Variants in KCNQ5 observed in about 807,000 individuals in gnomAD.
KCNQ5 encodes the protein potassium voltage-gated channel subfamily KQT member 5.
A neutral mutation model predicts 98.2 loss-of-function variants in KCNQ5; 30 were observed. The ratio of observed to expected loss-of-function variants is 0.31; its 90% CI spans 0.23 to 0.41. The LOEUF (loss-of-function observed/expected upper bound fraction) is 0.41. Ranked by LOEUF, KCNQ5 falls within the 10% of genes least tolerant of loss-of-function variation. The pLI, the probability that KCNQ5 is intolerant of heterozygous loss-of-function variation, is 1.00. For missense variants in KCNQ5, 835 were observed against 1,182.5 expected (o/e 0.71, Z 4.31); for synonymous variants, 458 against 449.4 (o/e 1.02, Z -0.24).
At chr6:73,169,139 T>C (rs1282155660) in intron 10 of KCNQ5, among the ~76,000 whole-genome samples, 4 of 152,146 alleles carry the variant, frequency 2.6e-5, no homozygotes, top group African/African-American at 9.7e-5. Context: ...CATTTGCAAT[T>C]AACCCAAAAG....
At chr6:72,715,368 A>G (rs1034431157) in intron 1 of KCNQ5, among the ~76,000 whole-genome samples, 1 of 152,142 alleles carries the variant, frequency 6.6e-6, no homozygotes, top group Non-Finnish European at 1.5e-5. Context: ...CCAAATCCCT[A>G]AGGGAATCTG....
At chr6:73,059,151 A>T (rs1326787726) in intron 3 of KCNQ5, among the ~76,000 whole-genome samples, 1 of 152,222 alleles carries the variant, frequency 6.6e-6, no homozygotes, top group Non-Finnish European at 1.5e-5. Flanking sequence ...TAGCAAAGAC[A>T]TGAAATCAAC....
chr6:72,737,018 T>C (rs1275800806), intron 1 of KCNQ5, among the ~76,000 whole-genome samples: 1 of 152,018 alleles, frequency 6.6e-6, no homozygotes, highest in East Asian at 1.9e-4. Flanking sequence ...TGGGGAACAG[T>C]GGCGCGATCT....
chr6:73,075,531 T>C (rs962992273), intron 3 of KCNQ5, among the ~76,000 whole-genome samples: 28 of 152,182 alleles, frequency 1.8e-4, no homozygotes, highest in Middle Eastern at 3.4e-3. Flanking sequence ...TAGTCTCAAA[T>C]TTTTTTCCTA....
chr6:73,016,374 G>A (rs9446820), intron 2 of KCNQ5, among the ~76,000 whole-genome samples: 8,253 of 152,148 alleles, frequency 0.054, 774 homozygotes, highest in African/African-American at 0.19. Flanking sequence ...GGGAGAAGTG[G>A]AGAAAATGAG....
intron 1 of KCNQ5, chr6:72,630,438 T>C (rs1314413958): frequency 6.6e-6 from 1 of 152,206 alleles, no homozygotes; most frequent in Non-Finnish European, 1.5e-5. Flanking sequence ...GTCAATTTAG[T>C]TTAACATTTG....
In KCNQ5 at chr6:72,889,509, A is replaced by G. The variant is rs561430523; in HGVS notation, c.399-114399A>G. Among the ~76,000 whole-genome samples the G allele has an allele frequency of 2.0e-5, 3 of 152,258 alleles. No homozygotes were observed. In the South Asian group the frequency reaches 6.2e-4, roughly 32 times the overall value. Reference sequence around the variant, plus strand: ...CTCTGATTATTGAAGGTATAAAATGAAGCAGTACCACCAAGGCCATGGTAA... The same window carrying G: ...CTCTGATTATTGAAGGTATAAAATGGAGCAGTACCACCAAGGCCATGGTAA... On this transcript the variant is annotated intron_variant, in intron 1 of 13. Coordinates refer to ENST00000370398, the MANE Select transcript of KCNQ5 (RefSeq NM_019842.4).
At chr6:72,718,531 A>G (rs138172514) in intron 1 of KCNQ5, among the ~76,000 whole-genome samples, 1,951 of 140,484 alleles carry the variant, frequency 0.014, 33 homozygotes, top group African/African-American at 0.045. Context: ...ACTTACTGCA[A>G]CCTCCGCCTC....
Position 72,812,227 on chromosome 6 carries a change from A to G in KCNQ5, c.398+189640A>G, listed in dbSNP as rs1287160826. Among the ~76,000 whole-genome samples the G allele has an allele frequency of 2.6e-5, 4 of 152,210 alleles. No individual in the cohort carries two copies. In the South Asian group the frequency reaches 6.2e-4, roughly 24 times the overall value. On this transcript the variant is annotated intron_variant, in intron 1 of 13. Coordinates refer to ENST00000370398, the MANE Select transcript of KCNQ5 (RefSeq NM_019842.4). ...GTCTTTATGACCTGTATCTTATGATACTAGTCCTGCCGACCTCCTGTCTCA... is the reference window on the plus strand; with the variant it reads ...GTCTTTATGACCTGTATCTTATGATGCTAGTCCTGCCGACCTCCTGTCTCA...
intron 1 of KCNQ5, among the ~76,000 whole-genome samples, chr6:72,894,806 A>G (rs1393655883): frequency 1.3e-5 from 2 of 152,182 alleles, no homozygotes; most frequent in Non-Finnish European, 2.9e-5. Context: ...GATTACCAAA[A>G]ATCACTTTTT....
chr6:72,939,257 A>C (rs1175271202), intron 1 of KCNQ5, among the ~76,000 whole-genome samples: 1 of 152,154 alleles, frequency 6.6e-6, no homozygotes, highest in Non-Finnish European at 1.5e-5. Context: ...CCGGGTCATC[A>C]CAAAGCAAGC....
intron 1 of KCNQ5, among the ~76,000 whole-genome samples, chr6:72,628,607 T>C (rs1157198430): frequency 6.6e-6 from 1 of 152,172 alleles, no homozygotes; most frequent in Admixed American, 6.5e-5. Flanking sequence ...GTTATCTTTC[T>C]TTCTTTCTTT....
intron 1 of KCNQ5, among the ~76,000 whole-genome samples, chr6:72,703,611 G>T (rs552021055): frequency 6.6e-6 from 1 of 152,270 alleles, no homozygotes; most frequent in East Asian, 1.9e-4. Flanking sequence ...CTGTAAACAA[G>T]CATTTGCAAA....
intron 1 of KCNQ5, among the ~76,000 whole-genome samples, chr6:72,792,364 A>T (rs1158063801): frequency 1.3e-5 from 2 of 152,260 alleles, no homozygotes; most frequent in East Asian, 3.9e-4. Context: ...TTGCCCTTCG[A>T]AGCACAATAA....
intron 10 of KCNQ5, among the ~76,000 whole-genome samples, chr6:73,138,800 G>A (rs890600876): frequency 6.6e-6 from 1 of 152,164 alleles, no homozygotes; most frequent in Non-Finnish European, 1.5e-5. Flanking sequence ...AATATCTTCC[G>A]ATTGTGGGGG....
rs148457313 is a variant in KCNQ5 at position 73,004,607 on chromosome 6, C to A, written c.489+609C>A. On this transcript the variant is annotated intron_variant, in intron 2 of 13. Transcript: ENST00000370398. ...CAATTCACTTTAAAATGGAAAAAGA[C>A]CCCAAGATATTTTTATCAGAATTAT... Among the ~76,000 whole-genome samples, 580 of 152,296 alleles carry A rather than the reference C, an allele frequency of 3.8e-3. 5 individuals are homozygous for A. The highest frequency in any genetic ancestry group is 5.8e-3 in the Non-Finnish European group (394 of 68,018).
chr6:73,184,233 A>G (rs1317161690), intron 11 of KCNQ5, among the ~76,000 whole-genome samples: 1 of 152,160 alleles, frequency 6.6e-6, no homozygotes, highest in East Asian at 1.9e-4. Flanking sequence ...TGTGATCCTA[A>G]TTACGTTAGC....
intron 1 of KCNQ5, among the ~76,000 whole-genome samples, chr6:72,737,135 A>G (rs1174152152): frequency 6.6e-6 from 1 of 151,872 alleles, no homozygotes; most frequent in East Asian, 1.9e-4. Context: ...TAATTTCTAT[A>G]TTTTTAGTAG....
At chr6:72,750,480 C>A (rs78911046) in intron 1 of KCNQ5, among the ~76,000 whole-genome samples, 2,120 of 152,052 alleles carry the variant, frequency 0.014, 39 homozygotes, top group African/African-American at 0.047. Flanking sequence ...ATTTTATAAA[C>A]AATAAAACTA....
Sources: allele counts gnomAD v4.1 joint callset (sites outside exome capture counted in the v4.1 genomes callset), GRCh38; gene constraint gnomAD v4.1.1; transcripts MANE v1.5; gene names NCBI Gene and HGNC (gene_info 2026-07-23, HGNC 2026-07-21).